Variants in COL13A1 observed in about 807,000 individuals in gnomAD.
COL13A1 encodes collagen type XIII alpha 1 chain.
COL13A1 carries 89 observed loss-of-function variants against 130.9 expected under a neutral mutation model. The observed-to-expected ratio is 0.68, with a 90% CI of 0.57 to 0.81. The LOEUF (loss-of-function observed/expected upper bound fraction) is 0.81. Among genes scored for constraint, COL13A1 ranks in the 30% least tolerant of loss-of-function variants. The probability of loss-of-function intolerance (pLI) is 0.00; values close to 1 mark genes in which losing one functional copy is unlikely to be tolerated. For synonymous variants in COL13A1, 402 were observed against 341.6 expected, an observed-to-expected ratio of 1.18 and a Z score of -1.95; for missense variants, 879 against 934.6, an observed-to-expected ratio of 0.94 and a Z score of 0.78.
intron 1 of COL13A1, among the ~76,000 whole-genome samples, chr10:69,805,819 C>T (rs1841417991): frequency 6.6e-6 from 1 of 152,176 alleles, no homozygotes; most frequent in Non-Finnish European, 1.5e-5. Flanking sequence ...AAAATTGGGA[C>T]AGGCAAAAAC....
At chr10:69,822,801 A>C (rs767227446) in intron 2 of COL13A1, among the ~76,000 whole-genome samples, 3 of 152,248 alleles carry the variant, frequency 2.0e-5, no homozygotes, top group Non-Finnish European at 2.9e-5. Context: ...TGCTGTGTTC[A>C]TCATTGTGTC....
In COL13A1 at chr10:69,932,687, C is replaced by T. The variant is rs758187533; in HGVS notation, c.1728+83C>T. On this transcript the variant is annotated intron_variant, in intron 31 of 40. Transcript: ENST00000645393. The stretch of plus-strand genomic sequence containing the variant: ...AGTATTTCTGTGCTTTAGAATGAAG[C>T]TTGCAACTGCCTGATGTTTACGTTT... 112 of 906,012 alleles carry T rather than the reference C, an allele frequency of 1.2e-4. 1 individual carries two copies. Among genetic ancestry groups the T allele is most frequent in the Non-Finnish European group, 1.8e-4 (99 of 556,602 alleles). 56.1% of individuals were successfully genotyped at this position (906,012 alleles called of 1,614,324 possible).
chr10:69,940,177 G>A (rs2067434995), intron 34 of COL13A1, among the ~76,000 whole-genome samples: 1 of 144,054 alleles, frequency 6.9e-6, no homozygotes, highest in African/African-American at 2.6e-5. Context: ...CACTGGACAA[G>A]AGCAAGTAAG....
At chr10:69,878,774 C>A (rs1253770258) in intron 6 of COL13A1, among the ~76,000 whole-genome samples, 1 of 152,234 alleles carries the variant, frequency 6.6e-6, no homozygotes. Context: ...AGCCACCATG[C>A]CTGGCCAAGC....
chr10:69,919,869 G>A (rs529101325), intron 21 of COL13A1, 142 bp downstream of exon 21: 11 of 396,922 alleles, frequency 2.8e-5, no homozygotes, highest in South Asian at 1.4e-4. Context: ...GTGGCAGGAC[G>A]GCCTGGCCAA....
In COL13A1 at chr10:69,952,985, C is replaced by A; in HGVS notation, c.2145+17C>A. The A allele has an allele frequency of 6.7e-7, 1 of 1,498,922 alleles. No individual in the cohort carries two copies. The allele number at this position is 1,498,922 out of a possible 1,614,324, so 92.9% of individuals were successfully genotyped here. On this transcript the variant is annotated intron_variant, in intron 39 of 40. Coordinates refer to ENST00000645393, the MANE Select transcript of COL13A1 (RefSeq NM_001368882.1). The stretch of plus-strand genomic sequence containing the variant: ...TGCCCATTGGTATGTTTTTGTTTAT[C>A]ACTTGCATTGTTCTGGTTTTTGTTC...
At chr10:69,806,090 C>T (rs771652345) in intron 1 of COL13A1, among the ~76,000 whole-genome samples, 2 of 152,332 alleles carry the variant, frequency 1.3e-5, no homozygotes, top group Non-Finnish European at 1.5e-5. Context: ...GGAGGCAGAT[C>T]GGAGACTTCA....
At chr10:69,846,366 C>A (rs1853074923) in intron 2 of COL13A1, among the ~76,000 whole-genome samples, 2 of 152,036 alleles carry the variant, frequency 1.3e-5, no homozygotes, top group Admixed American at 1.3e-4. Flanking sequence ...TTGGACATAA[C>A]CCGAGCTGGG....
At chr10:69,951,086 T>C (rs2069476764) in intron 38 of COL13A1, among the ~76,000 whole-genome samples, 1 of 152,128 alleles carries the variant, frequency 6.6e-6, no homozygotes, top group African/African-American at 2.4e-5. Flanking sequence ...TGACCTCCAG[T>C]GATCCGCCCG....
intron 2 of COL13A1, among the ~76,000 whole-genome samples, chr10:69,858,897 T>C (rs528704465): frequency 3.1e-4 from 47 of 152,312 alleles, no homozygotes; most frequent in South Asian, 2.7e-3. Context: ...CTGTGTGACA[T>C]TGGACAAATT....
intron 14 of COL13A1, among the ~76,000 whole-genome samples, chr10:69,900,130 C>T (rs531635369): frequency 6.6e-6 from 1 of 152,186 alleles, no homozygotes; most frequent in African/African-American, 2.4e-5. Flanking sequence ...TAGAGAAGTA[C>T]CAGGCCCACC....
At chr10:69,836,572 C>A (rs540618615) in intron 2 of COL13A1, among the ~76,000 whole-genome samples, 9 of 152,328 alleles carry the variant, frequency 5.9e-5, no homozygotes, top group African/African-American at 2.2e-4. Flanking sequence ...GCTCACTTCA[C>A]AAACTCACTT....
chr10:69,831,587 T>C (rs968170891), intron 2 of COL13A1, among the ~76,000 whole-genome samples: 4 of 152,190 alleles, frequency 2.6e-5, no homozygotes. Context: ...ATGTTGGTGC[T>C]TGCCTGATAG....
intron 7 of COL13A1, among the ~76,000 whole-genome samples, chr10:69,886,695 A>T (rs1456933940): frequency 6.6e-6 from 1 of 152,164 alleles, no homozygotes; most frequent in Non-Finnish European, 1.5e-5. Context: ...CCACCTGGCC[A>T]TCCCTCCTCA....
At chr10:69,866,803 G>T (rs940412961) in intron 2 of COL13A1, among the ~76,000 whole-genome samples, 1 of 152,164 alleles carries the variant, frequency 6.6e-6, no homozygotes, top group Non-Finnish European at 1.5e-5. Context: ...AAGGAAGCCG[G>T]CTCTGGGAAT....
At chr10:69,926,011 T>C (rs1437195911) in intron 26 of COL13A1, 139 bp downstream of exon 26, 2 of 670,802 alleles carry the variant, frequency 3.0e-6, no homozygotes, top group Non-Finnish European at 5.2e-6. Flanking sequence ...GGAGAGCTGC[T>C]TCCTCGCTTT....
chr10:69,866,976 C>A (rs1284447929), intron 2 of COL13A1, among the ~76,000 whole-genome samples: 1 of 152,198 alleles, frequency 6.6e-6, no homozygotes, highest in African/African-American at 2.4e-5. Context: ...TCATGTTCCG[C>A]AGAAGCGCCT....
At chr10:69,922,864 G>A in intron 23 of COL13A1, 70 bp downstream of exon 23, 1 of 1,074,138 alleles carries the variant, frequency 9.3e-7, no homozygotes, top group Admixed American at 2.8e-5. Context: ...CTGTTCTCGG[G>A]GACTCTACGT....
intron 35 of COL13A1, 67 bp from the exon 36 acceptor site, chr10:69,944,058 C>G (rs1315954662): frequency 7.4e-7 from 1 of 1,359,876 alleles, no homozygotes; most frequent in Non-Finnish European, 1.0e-6. Flanking sequence ...CTCTAGGCAT[C>G]AGGTGGGGCA....
Sources: gnomAD v4.1 joint callset for allele counts (sites outside exome capture counted in the v4.1 genomes callset) on GRCh38, gnomAD v4.1.1 for gene constraint, MANE v1.5 for transcripts, NCBI Gene and HGNC (gene_info 2026-07-23, HGNC 2026-07-21) for gene names.